Variants in FBXO34 observed in about 807,000 individuals in gnomAD.
FBXO34 encodes F-box protein 34, also known as F-box only protein 34.
A neutral mutation model predicts 24.5 loss-of-function variants in FBXO34; 12 were observed. The ratio of observed to expected loss-of-function variants is 0.49; its 90% CI spans 0.31 to 0.79. The LOEUF (loss-of-function observed/expected upper bound fraction) is 0.79. Among genes scored for constraint, FBXO34 ranks in the 30% least tolerant of loss-of-function variants. FBXO34 has a pLI of 0.04. For synonymous variants in FBXO34, 320 were observed against 311.9 expected, an observed-to-expected ratio of 1.03 and a Z score of -0.27; for missense variants, 823 against 857.7, an observed-to-expected ratio of 0.96 and a Z score of 0.51.
the FBXO34 span, chr14:55,397,404 T>A: frequency 1.2e-6 from 2 of 1,613,704 alleles, no homozygotes; most frequent in Admixed American, 3.3e-5. Context: ...TGCTCTTAAG[T>A]CGGCTTAACC....
intron 1 of FBXO34, among the ~76,000 whole-genome samples, chr14:55,307,904 G>T (rs928287189): frequency 9.9e-5 from 15 of 152,260 alleles, no homozygotes; most frequent in African/African-American, 3.6e-4. Context: ...GTTTGGCTGT[G>T]CCCCCACCCA....
At chr14:55,281,255 TA>T (rs533626777) in intron 1 of FBXO34, among the ~76,000 whole-genome samples, 2,653 of 98,382 alleles carry the variant, frequency 0.027, 54 homozygotes, top group African/African-American at 0.062. Context: ...CCCGACTCCT[TA>T]AAAAAAAAAA....
Position 55,352,658 on chromosome 14 carries a change from A to G in FBXO34, c.*132A>G, listed in dbSNP as rs1197201687. ...GTACATCATCAGGACTGCATTGCTC[A>G]GGCATTTTCTAAACTCTAAATTTAC... On this transcript the variant is annotated 3_prime_UTR_variant, in exon 2 of 2. Transcript: ENST00000313833. The G allele has an allele frequency of 2.7e-6, 2 of 746,404 alleles. No homozygotes were observed. The highest frequency in any genetic ancestry group is 1.8e-5 in the African/African-American group (1 of 56,484). The allele number at this position is 746,404 out of a possible 1,614,324, so 46.2% of individuals were successfully genotyped here.
At chr14:55,390,802 GC>G in the FBXO34 span, 1 of 713,020 alleles carries the variant, frequency 1.4e-6, no homozygotes, top group South Asian at 1.8e-5. Context: ...TCTCCAAGTT[GC>G]CACTGCCCCA....
chr14:55,290,650 T>G (rs1025177657), intron 1 of FBXO34, among the ~76,000 whole-genome samples: 1 of 152,130 alleles, frequency 6.6e-6, no homozygotes. Flanking sequence ...TGTTACCCTT[T>G]TAAAGGAAGG....
downstream of FBXO34, among the ~76,000 whole-genome samples, chr14:55,356,631 T>A (rs893314953): frequency 3.3e-5 from 5 of 151,832 alleles, no homozygotes; most frequent in East Asian, 3.9e-4. Context: ...TTTTTATTTT[T>A]TTATTTTTAC....
chr14:55,293,485 A>AG (rs1378965231), intron 1 of FBXO34, among the ~76,000 whole-genome samples: 1 of 152,214 alleles, frequency 6.6e-6, no homozygotes, highest in Non-Finnish European at 1.5e-5. Context: ...ACCTGGCACT[A>AG]GGTAAAGAAA....
At chr14:55,335,261 C>A (rs1030370852) in intron 1 of FBXO34, 2 of 152,206 alleles carry the variant, frequency 1.3e-5, no homozygotes, top group Admixed American at 6.6e-5. Flanking sequence ...TGTGAAAAGT[C>A]TTCTGTGCTT....
intron 1 of FBXO34, among the ~76,000 whole-genome samples, chr14:55,304,336 T>TTTCTCTTTTAC (rs1325449519): frequency 2.0e-5 from 3 of 152,150 alleles, no homozygotes; most frequent in Non-Finnish European, 4.4e-5. Context: ...CTTGAAAATC[T>TTTCTCTTTTAC]TTCTCTTTTA....
chr14:55,325,846 A>G (rs1883324846), intron 1 of FBXO34: 1 of 152,198 alleles, frequency 6.6e-6, no homozygotes, highest in Non-Finnish European at 1.5e-5. Flanking sequence ...GTTTAAATGT[A>G]CTCTATAATT....
chr14:55,334,247 G>A (rs1450298208), intron 1 of FBXO34, among the ~76,000 whole-genome samples: 3 of 152,158 alleles, frequency 2.0e-5, no homozygotes, highest in Admixed American at 6.5e-5. Context: ...AAGTTCATGG[G>A]CTGCTCAAGG....
the FBXO34 span, among the ~76,000 whole-genome samples, chr14:55,408,560 C>T: frequency 6.6e-6 from 1 of 152,000 alleles, no homozygotes; most frequent in Non-Finnish European, 1.5e-5. Context: ...CTGCTCAGCC[C>T]ACAGGTTCGA....
In FBXO34 at chr14:55,298,663, G is replaced by A. The variant is rs915614679; in HGVS notation, c.-11+27126G>A. ...CGAGCGCTGTTCGGGGCTGGAGGGGGTAAGGCCGGCAAGGGCGGCCTGACC... is the reference window on the plus strand; with the variant it reads ...CGAGCGCTGTTCGGGGCTGGAGGGGATAAGGCCGGCAAGGGCGGCCTGACC... On this transcript the variant is annotated intron_variant, in intron 1 of 1. Transcript: ENST00000313833. 7 of 1,531,972 alleles carry A rather than the reference G, an allele frequency of 4.6e-6. No individual in the cohort carries two copies. In the African/African-American group the frequency reaches 5.4e-5, roughly 12 times the overall value. 94.9% of individuals were successfully genotyped at this position (1,531,972 alleles called of 1,614,324 possible).
intron 1 of FBXO34, among the ~76,000 whole-genome samples, chr14:55,288,184 C>A (rs1330821107): frequency 5.9e-5 from 9 of 152,232 alleles, no homozygotes; most frequent in African/African-American, 2.2e-4. Flanking sequence ...TGCTTCATGA[C>A]CTCTACCTTA....
chr14:55,320,204 A>T (rs201917942), intron 1 of FBXO34, among the ~76,000 whole-genome samples: 1 of 152,160 alleles, frequency 6.6e-6, no homozygotes, highest in Non-Finnish European at 1.5e-5. Flanking sequence ...ATCTACCAGC[A>T]AGGAGGGAAC....
At position 55,298,129 on chromosome 14, in the gene FBXO34, C is replaced by T. The variant is rs553754073; in HGVS notation, c.-11+26592C>T. 2.6e-5 allele frequency among the ~76,000 whole-genome samples: 4 copies of T among 152,116 alleles called. No homozygotes were observed. The South Asian group carries it at 8.3e-4, about 32-fold the overall frequency. ...AGGTGAGTTAAATGTGTAGCACACG[C>T]TTGTCCAACCTGCAGCTTGTGGTGG... On this transcript the variant is annotated intron_variant, in intron 1 of 1. Coordinates refer to ENST00000313833, the MANE Select transcript of FBXO34 (RefSeq NM_017943.4).
chr14:55,399,082 G>A, the FBXO34 span, among the ~76,000 whole-genome samples: 1 of 152,088 alleles, frequency 6.6e-6, no homozygotes, highest in South Asian at 2.1e-4. Context: ...TACTATTTCT[G>A]TAATCCCATG....
chr14:55,427,752 C>G, the FBXO34 span, among the ~76,000 whole-genome samples: 8 of 151,860 alleles, frequency 5.3e-5, no homozygotes, highest in East Asian at 1.5e-3. Context: ...GACGGGAAGT[C>G]TGAAGTCAGG....
intron 1 of FBXO34, among the ~76,000 whole-genome samples, chr14:55,327,908 G>GTTTTTTTTTTTTTTTTTTTTTTTT (rs386381425): frequency 2.1e-5 from 1 of 48,698 alleles, no homozygotes; most frequent in Non-Finnish European, 3.5e-5. Context: ...GTTGTTGTTG[G>GTTTTTTTTTTTTTTTTTTTTTTTT]TTTTTTTTTT....
Sources: gnomAD v4.1 joint callset for allele counts (sites outside exome capture counted in the v4.1 genomes callset) on GRCh38, gnomAD v4.1.1 for gene constraint, MANE v1.5 for transcripts, NCBI Gene and HGNC (gene_info 2026-07-23, HGNC 2026-07-21) for gene names.